ROCK1: variants seen among roughly 807,000 people sequenced by gnomAD.
The protein encoded by ROCK1 is rho-associated protein kinase 1.
ROCK1 carries 36 observed loss-of-function variants against 196.8 expected under a neutral mutation model. The observed-to-expected ratio is 0.18, with a 90% CI of 0.14 to 0.24. The LOEUF is 0.24. Ranked by LOEUF, ROCK1 falls within the 10% of genes least tolerant of loss-of-function variation. The pLI is 1.00. For synonymous variants in ROCK1, 443 were observed against 515.9 expected (o/e 0.86, Z 1.91); for missense variants, 920 against 1,562.0 (o/e 0.59, Z 6.93).
intron 1 of ROCK1, among the ~76,000 whole-genome samples, chr18:21,087,272 A>C (rs73963106): frequency 0.01 from 1,566 of 152,286 alleles, 30 homozygotes; most frequent in African/African-American, 0.036. Context: ...GATACAAAAA[A>C]CAGGGAGGTA....
chr18:21,042,105 A>T lies in ROCK1; in HGVS notation c.951T>A (p.Leu317=), dbSNP rs368672219. The T allele has an allele frequency of 1.2e-4, 187 of 1,598,194 alleles. No individual in the cohort carries two copies. The highest frequency in any genetic ancestry group is 1.6e-4 in the Non-Finnish European group (184 of 1,175,932). ...GTTTTAAAATTATTTACCTGTCAGT[A>T]AGGAAGGCACAAATAAGGTTTTTTG... ...KEAKNLICAF[L]TDREVRLGRN... The change falls in exon 8 of 33, where the codon CTT becomes CTA. Residue 317 remains leucine (L), a synonymous_variant. Coordinates refer to ENST00000399799, the MANE Select transcript of ROCK1 (RefSeq NM_005406.3).
rs2035162137 is a variant in ROCK1, at chr18:20,949,530, CCGACATCCT to C, written c.*1845_*1853del. 1 of 152,216 alleles carries C rather than the reference CCGACATCCT, an allele frequency of 6.6e-6. No individual in the cohort carries two copies. The highest frequency in any genetic ancestry group is 6.5e-5 in the Admixed American group (1 of 15,280). 9.4% of individuals were successfully genotyped at this position (152,216 alleles called of 1,614,324 possible). On this transcript the variant is annotated 3_prime_UTR_variant, in exon 33 of 33. Transcript: ENST00000399799. ...TTATTATACTGGACAGTAAAAGAAC[CCGACATCCT>C]CACAAGGGAGAACTCTATCTTCCAA...
intron 29 of ROCK1, among the ~76,000 whole-genome samples, chr18:20,958,684 G>C (rs2035270446): frequency 6.7e-6 from 1 of 150,324 alleles, no homozygotes; most frequent in Non-Finnish European, 1.5e-5. Context: ...CAAAGTCCAA[G>C]TATGCTCAAG....
chr18:20,951,870 T>A (rs1473253253), intron 32 of ROCK1, among the ~76,000 whole-genome samples: 1 of 152,222 alleles, frequency 6.6e-6, no homozygotes. Context: ...AGCTTCTAAT[T>A]CGAGTGGCCC....
intron 9 of ROCK1, among the ~76,000 whole-genome samples, chr18:21,036,869 T>G (rs983613639): frequency 3.3e-5 from 5 of 152,314 alleles, no homozygotes; most frequent in Admixed American, 3.3e-4. Context: ...TGTTAAATAC[T>G]AAATATAACA....
chr18:21,074,897 A>G (rs2036416282), intron 1 of ROCK1, among the ~76,000 whole-genome samples: 1 of 152,198 alleles, frequency 6.6e-6, no homozygotes, highest in Non-Finnish European at 1.5e-5. Context: ...CTTGAAGAAT[A>G]GAATTATGAA....
chr18:21,017,987 C>CA lies in ROCK1; in HGVS notation c.1361+2163dup, dbSNP rs926198648. ...GACTCTGCCTCAAAAAAAATAAAAA[C>CA]AAAAAAAAAATAAATAAAATAAAGA... is the stretch of plus-strand genomic sequence containing the variant. On this transcript the variant is annotated intron_variant, in intron 12 of 32. Coordinates refer to ENST00000399799, the MANE Select transcript of ROCK1 (RefSeq NM_005406.3). 2.4e-3 allele frequency among the ~76,000 whole-genome samples: 351 copies of CA among 145,238 alleles called. 1 individual carries two copies. The highest frequency in any genetic ancestry group is 3.2e-3 in the African/African-American group (125 of 39,560).
intron 1 of ROCK1, among the ~76,000 whole-genome samples, chr18:21,106,297 C>T (rs894179092): frequency 2.6e-5 from 4 of 152,132 alleles, no homozygotes; most frequent in African/African-American, 9.7e-5. Flanking sequence ...ACCCTCCCAA[C>T]CATTTTTGTT....
intron 23 of ROCK1, chr18:20,969,822 G>A (rs1183171357): frequency 6.6e-6 from 1 of 152,234 alleles, no homozygotes; most frequent in Non-Finnish European, 1.5e-5. Flanking sequence ...CAGAGTGACT[G>A]ATAGTGGCTT....
chr18:20,982,631 A>G (rs2035543197), intron 21 of ROCK1, 132 bp downstream of exon 21: 1 of 527,950 alleles, frequency 1.9e-6, no homozygotes, highest in African/African-American at 2.0e-5. Context: ...CAAAAAGCAG[A>G]AAAGTCACAA....
chr18:20,990,326 T>TA (rs1276395953), intron 18 of ROCK1, among the ~76,000 whole-genome samples: 1 of 151,722 alleles, frequency 6.6e-6, no homozygotes, highest in Non-Finnish European at 1.5e-5. Flanking sequence ...AAAGGGCTAC[T>TA]AAAAAACAGA....
chr18:20,978,273 A>G (rs2035498675), intron 22 of ROCK1, among the ~76,000 whole-genome samples: 1 of 152,098 alleles, frequency 6.6e-6, no homozygotes, highest in African/African-American at 2.4e-5. Flanking sequence ...TGTATTAAGG[A>G]TCTAACATTG....
chr18:20,995,845 C>T (rs2035666023), intron 16 of ROCK1, among the ~76,000 whole-genome samples: 2 of 152,174 alleles, frequency 1.3e-5, no homozygotes, highest in Non-Finnish European at 2.9e-5. Flanking sequence ...TACTGGGCTT[C>T]GGATGCCTCC....
intron 1 of ROCK1, among the ~76,000 whole-genome samples, chr18:21,092,580 TAAAAAAA>T (rs35799573): frequency 1.8e-4 from 15 of 81,142 alleles, no homozygotes; most frequent in African/African-American, 5.7e-4. Flanking sequence ...ACCTCATCTT[TAAAAAAA>T]AAAAAAAAAA....
At chr18:20,994,529 G>A (rs1267804665) in intron 16 of ROCK1, among the ~76,000 whole-genome samples, 1 of 152,192 alleles carries the variant, frequency 6.6e-6, no homozygotes, top group Non-Finnish European at 1.5e-5. Flanking sequence ...TTGGGAGACT[G>A]AGGTGGGAGG....
intron 1 of ROCK1, among the ~76,000 whole-genome samples, chr18:21,076,700 CACACAG>C (rs1480272909): frequency 1.3e-5 from 2 of 150,458 alleles, no homozygotes; most frequent in African/African-American, 4.9e-5. Flanking sequence ...CACACACACA[CACACAG>C]AGCCATAATT....
chr18:21,085,643 AG>A (rs780976456), intron 1 of ROCK1, among the ~76,000 whole-genome samples: 3 of 152,224 alleles, frequency 2.0e-5, no homozygotes, highest in Non-Finnish European at 2.9e-5. Context: ...AACAGGCTTA[AG>A]ATACCAAGTT....
At chr18:21,070,680 G>C (rs1338240471) in intron 1 of ROCK1, 67 bp from the exon 2 acceptor site, 9 of 954,710 alleles carry the variant, frequency 9.4e-6, no homozygotes, top group Non-Finnish European at 1.4e-5. Flanking sequence ...TTTTATGAAA[G>C]AATAAAATAT....
At chr18:20,985,425 T>G (rs997584326) in intron 19 of ROCK1, among the ~76,000 whole-genome samples, 2 of 152,104 alleles carry the variant, frequency 1.3e-5, no homozygotes, top group African/African-American at 4.8e-5. Context: ...CTACTCCTGT[T>G]TTATCCTCCT....
Sources: gnomAD v4.1 joint callset for allele counts (sites outside exome capture counted in the v4.1 genomes callset) on GRCh38, gnomAD v4.1.1 for gene constraint, MANE v1.5 for transcripts, NCBI Gene and HGNC (gene_info 2026-07-23, HGNC 2026-07-21) for gene names.